SMKR1: variants seen among roughly 807,000 people sequenced by gnomAD.
SMKR1 encodes small lysine rich protein 1, also known as small lysine-rich protein 1.
In SMKR1, 4 loss-of-function variants were observed where a neutral mutation model predicts 4.0. The observed-to-expected ratio is 1.00, with a 90% CI of 0.49 to 2.30. The LOEUF (loss-of-function observed/expected upper bound fraction) is 2.30, where lower values mean the gene tolerates loss of function less well. Ranked by LOEUF, SMKR1 falls within the 30% of genes most tolerant of loss-of-function variation. SMKR1 has a pLI of 0.02. For synonymous variants in SMKR1, 38 were observed against 32.5 expected (o/e 1.17, Z -0.58); for missense variants, 56 against 81.8 (o/e 0.68, Z 1.22).
chr7:129,506,850 T>C (rs1799470938), intron 1 of SMKR1, among the ~76,000 whole-genome samples: 1 of 141,062 alleles, frequency 7.1e-6, no homozygotes, highest in African/African-American at 2.7e-5. Flanking sequence ...TTTTAGGTTT[T>C]CTTTCTTTCT....
chr7:129,508,002 A>C (rs960802772), intron 1 of SMKR1, among the ~76,000 whole-genome samples: 2 of 152,208 alleles, frequency 1.3e-5, no homozygotes, highest in African/African-American at 4.8e-5. Context: ...CAAAAGTTTT[A>C]AATGTTGATG....
At chr7:129,504,519 C>G (rs1314654409) in intron 1 of SMKR1, among the ~76,000 whole-genome samples, 1 of 151,306 alleles carries the variant, frequency 6.6e-6, no homozygotes, top group East Asian at 2.0e-4. Flanking sequence ...GTGTTATAGG[C>G]ATTATAGGGT....
intron 1 of SMKR1, among the ~76,000 whole-genome samples, chr7:129,509,144 C>T (rs554554690): frequency 1.3e-5 from 2 of 152,128 alleles, no homozygotes; most frequent in East Asian, 1.9e-4. Context: ...GAAACCCCGT[C>T]TCTACTAAAA....
intron 1 of SMKR1, among the ~76,000 whole-genome samples, chr7:129,504,261 G>C (rs987224250): frequency 1.3e-5 from 2 of 152,238 alleles, no homozygotes; most frequent in African/African-American, 2.4e-5. Context: ...AAGCCAGAGC[G>C]GAACCTTGCC....
At chr7:129,506,032 T>C (rs536033676) in intron 1 of SMKR1, among the ~76,000 whole-genome samples, 4 of 152,194 alleles carry the variant, frequency 2.6e-5, no homozygotes, top group Non-Finnish European at 4.4e-5. Context: ...CAAAGTTGTA[T>C]TGAACCAATC....
chr7:129,504,423 G>A (rs771222034), intron 1 of SMKR1, among the ~76,000 whole-genome samples: 1 of 152,154 alleles, frequency 6.6e-6, no homozygotes, highest in East Asian at 1.9e-4. Context: ...CCCTACTCTC[G>A]GCCCACAGGC....
chr7:129,508,616 A>AT (rs1402120025), intron 1 of SMKR1, among the ~76,000 whole-genome samples: 1 of 151,808 alleles, frequency 6.6e-6, no homozygotes, highest in Non-Finnish European at 1.5e-5. Context: ...TAATTGTTGT[A>AT]TTTTTTTAAT....
At chr7:129,510,877 C>T (rs999715241) in intron 1 of SMKR1, among the ~76,000 whole-genome samples, 2 of 152,060 alleles carry the variant, frequency 1.3e-5, no homozygotes, top group East Asian at 1.9e-4. Flanking sequence ...GGCGTGATCT[C>T]GGCTCACTGC....
chr7:129,510,323 C>T (rs1159350035), intron 1 of SMKR1, among the ~76,000 whole-genome samples: 1 of 152,152 alleles, frequency 6.6e-6, no homozygotes, highest in East Asian at 1.9e-4. Flanking sequence ...GAATAGACAC[C>T]GAGCCTGGTG....
chr7:129,510,800 CTT>C (rs554625394), intron 1 of SMKR1, among the ~76,000 whole-genome samples: 1 of 145,496 alleles, frequency 6.9e-6, no homozygotes. Context: ...TGCTAAGTGT[CTT>C]TTTTTTTTTG....
chr7:129,505,733 C>T (rs1288349305), intron 1 of SMKR1, among the ~76,000 whole-genome samples: 2 of 152,172 alleles, frequency 1.3e-5, no homozygotes, highest in Admixed American at 6.6e-5. Flanking sequence ...CCACCGGCCT[C>T]GGCCTCCCAA....
At chr7:129,506,912 T>A (rs1161152814) in intron 1 of SMKR1, among the ~76,000 whole-genome samples, 1 of 146,706 alleles carries the variant, frequency 6.8e-6, no homozygotes, top group South Asian at 2.1e-4. Context: ...CAGGCTGGAA[T>A]GCAGCAACTT....
intron 1 of SMKR1, among the ~76,000 whole-genome samples, chr7:129,506,678 T>C (rs1304040345): frequency 3.1e-5 from 4 of 127,396 alleles, no homozygotes; most frequent in Admixed American, 2.7e-4. Flanking sequence ...TATGCAGTCA[T>C]ACATTATGTT....
At chr7:129,509,594 G>GC (rs1017782609) in intron 1 of SMKR1, among the ~76,000 whole-genome samples, 3 of 151,980 alleles carry the variant, frequency 2.0e-5, no homozygotes, top group African/African-American at 4.8e-5. Context: ...AGGCTGGAGT[G>GC]CAGTGGCGTG....
chr7:129,509,173 C>T (rs527872639), intron 1 of SMKR1, among the ~76,000 whole-genome samples: 38 of 152,100 alleles, frequency 2.5e-4, no homozygotes, highest in African/African-American at 8.2e-4. Flanking sequence ...ATTAGCCAGG[C>T]GTGGTGGCAA....
intron 1 of SMKR1, among the ~76,000 whole-genome samples, chr7:129,503,807 A>G (rs1022964125): frequency 3.4e-5 from 5 of 148,176 alleles, no homozygotes; most frequent in Non-Finnish European, 5.9e-5. Context: ...TCCATGAGCT[A>G]TTAAAGGTAA....
intron 1 of SMKR1, among the ~76,000 whole-genome samples, chr7:129,510,911 C>T (rs778845148): frequency 2.0e-5 from 3 of 152,006 alleles, no homozygotes; most frequent in Non-Finnish European, 4.4e-5. Context: ...TGGGTTCAGG[C>T]GATTCTTCTA....
In SMKR1 at chr7:129,509,483, C is replaced by T. The variant is rs113088830; in HGVS notation, c.4-2764C>T. ...CACTGCATTGCAAGATACGTCTCAT[C>T]TTCATTCCCGGGTTTTGTATCTAGG... On this transcript the variant is annotated intron_variant, in intron 1 of 1. Transcript: ENST00000462322. 6.1e-3 allele frequency among the ~76,000 whole-genome samples: 934 copies of T among 152,172 alleles called. 12 individuals are homozygous for T. Among genetic ancestry groups the T allele is most frequent in the African/African-American group, 0.022 (895 of 41,522 alleles).
chr7:129,502,654 G>A lies in SMKR1; in HGVS notation c.-171G>A, dbSNP rs982218008. The A allele has an allele frequency of 4.2e-6, 4 of 957,500 alleles. No homozygotes were observed. The highest frequency in any genetic ancestry group is 3.1e-4 in the Middle Eastern group (1 of 3,206). 59.3% of individuals were successfully genotyped at this position (957,500 alleles called of 1,614,324 possible). A position where few individuals can be genotyped will look rare whatever the true frequency, so the allele number is the denominator to read the frequency against. On this transcript the variant is annotated 5_prime_UTR_variant, in exon 1 of 2. Coordinates refer to ENST00000462322, the MANE Select transcript of SMKR1 (RefSeq NM_001195243.2). Reference sequence around the variant, plus strand: ...AGCCGGCCGCGCTCCTCCCAGCGAGGCGTGGCGGGGAGGCGTAGTGAGGCT... The same window carrying A: ...AGCCGGCCGCGCTCCTCCCAGCGAGACGTGGCGGGGAGGCGTAGTGAGGCT...
Sources: gnomAD v4.1 joint callset for allele counts (sites outside exome capture counted in the v4.1 genomes callset) on GRCh38, gnomAD v4.1.1 for gene constraint, MANE v1.5 for transcripts, NCBI Gene and HGNC (gene_info 2026-07-23, HGNC 2026-07-21) for gene names.